SPATA13: variants seen among roughly 807,000 people sequenced by gnomAD.
SPATA13 encodes spermatogenesis associated 13.
A neutral mutation model predicts 104.0 loss-of-function variants in SPATA13; 50 were observed. The observed-to-expected ratio is 0.48, with a 90% CI of 0.38 to 0.61. The LOEUF is 0.61. SPATA13 is among the 20% of genes least tolerant of loss of function. SPATA13 has a pLI of 0.00. For synonymous variants in SPATA13, 606 were observed against 667.5 expected, an observed-to-expected ratio of 0.91 and a Z score of 1.42; for missense variants, 1,524 against 1,690.6, an observed-to-expected ratio of 0.90 and a Z score of 1.73.
chr13:24,109,190 T>C (rs548746626), intron 3 of SPATA13, among the ~76,000 whole-genome samples: 70 of 152,276 alleles, frequency 4.6e-4, no homozygotes, highest in African/African-American at 1.7e-3. Flanking sequence ...TTCCCACCTA[T>C]GAGTGAAAAC....
rs1228676507 is a variant in SPATA13, at chr13:24,223,180, G to A, written c.251G>A (p.Gly84Asp). 2 of 1,551,594 alleles carry A rather than the reference G, an allele frequency of 1.3e-6. No individual in the cohort carries two copies. The highest frequency in any genetic ancestry group is 2.7e-5 in the African/African-American group (2 of 73,058). The change falls in exon 2 of 13, where the codon GGT (glycine) becomes GAT (aspartate). Residue 84 changes from glycine to aspartate, a missense_variant. By Grantham distance (94) the Gly-to-Asp change is moderately conservative. This residue lies in a region of SPATA13 where 1,089 missense variants were observed against 1,135.9 expected (regional missense o/e 0.96). Coordinates refer to ENST00000382108, the MANE Select transcript of SPATA13 (RefSeq NM_001166271.3). Reference sequence around the variant, plus strand: ...TTTTCCACCAGTCGGAAGAGGACGGGTGCCCACCCCGAGCGGCCCCACTCC... The same window carrying A: ...TTTTCCACCAGTCGGAAGAGGACGGATGCCCACCCCGAGCGGCCCCACTCC... ...RLFSTSRKRT[G>D]AHPERPHSMV...
At chr13:24,180,080 C>T (rs1480437236) in intron 1 of SPATA13, among the ~76,000 whole-genome samples, 1 of 152,050 alleles carries the variant, frequency 6.6e-6, no homozygotes, top group Non-Finnish European at 1.5e-5. Context: ...AAACTATTGC[C>T]TAATCCAAGG....
intron 5 of SPATA13, among the ~76,000 whole-genome samples, chr13:24,285,099 G>A (rs746907116): frequency 6.6e-6 from 1 of 152,068 alleles, no homozygotes; most frequent in African/African-American, 2.4e-5. Context: ...GTGAGTCAGC[G>A]TCTTTACTGA....
chr13:23,986,907 C>T (rs953361046), intron 2 of SPATA13, among the ~76,000 whole-genome samples: 1 of 151,804 alleles, frequency 6.6e-6, no homozygotes, highest in Non-Finnish European at 1.5e-5. Context: ...AGGAGTTCAG[C>T]ATATTGAGAG....
At chr13:24,237,227 G>A (rs1872615763) in intron 2 of SPATA13, among the ~76,000 whole-genome samples, 1 of 151,950 alleles carries the variant, frequency 6.6e-6, no homozygotes, top group African/African-American at 2.4e-5. Flanking sequence ...CATAATGGTG[G>A]GTGCCTGTAG....
At chr13:24,177,518 T>C (rs899304174) in intron 1 of SPATA13, among the ~76,000 whole-genome samples, 1 of 152,228 alleles carries the variant, frequency 6.6e-6, no homozygotes, top group African/African-American at 2.4e-5. Context: ...ACAGTCTTAC[T>C]CTGCAATCGT....
intron 2 of SPATA13, among the ~76,000 whole-genome samples, chr13:24,009,125 G>A (rs1309081227): frequency 6.6e-6 from 1 of 152,158 alleles, no homozygotes; most frequent in East Asian, 1.9e-4. Context: ...ACCTCAGCCA[G>A]CCTGCTATCC....
intron 4 of SPATA13, among the ~76,000 whole-genome samples, chr13:24,252,506 C>T (rs937979647): frequency 1.3e-5 from 2 of 152,092 alleles, no homozygotes; most frequent in African/African-American, 2.4e-5. Flanking sequence ...AAACGTATAC[C>T]ATGTTTGTAA....
chr13:24,297,401 T>C lies in SPATA13; in HGVS notation c.3249T>C (p.His1083=). ...DILDRSSELI[H]SGELTKITKQ... ...TAGACCGAAGCTCAGAATTGATTCATTCTGGGGAGCTGACCAAAATCACTA... is the reference window on the plus strand; with the variant it reads ...TAGACCGAAGCTCAGAATTGATTCACTCTGGGGAGCTGACCAAAATCACTA... The change falls in exon 11 of 13, where the codon CAT becomes CAC. Residue 1083 remains histidine (H), a synonymous_variant. Transcript: ENST00000382108. 1.2e-6 allele frequency: 2 copies of C among 1,613,820 alleles called. No individual in the cohort carries two copies. The highest frequency in any genetic ancestry group is 1.7e-6 in the Non-Finnish European group (2 of 1,179,898).
chr13:24,139,785 A>G (rs1285042079), intron 3 of SPATA13, among the ~76,000 whole-genome samples: 1 of 152,180 alleles, frequency 6.6e-6, no homozygotes, highest in Non-Finnish European at 1.5e-5. Context: ...TGTAACATGC[A>G]GGCCGGGCGC....
chr13:24,271,362 T>TTC (rs1874598429), intron 4 of SPATA13, among the ~76,000 whole-genome samples: 1 of 152,188 alleles, frequency 6.6e-6, no homozygotes, highest in Non-Finnish European at 1.5e-5. Flanking sequence ...TGGTGGTGTG[T>TTC]ATAAGAATGT....
In SPATA13 at chr13:24,251,649, G is replaced by A. The variant is rs1169032978; in HGVS notation, c.2020-69G>A. On this transcript the variant is annotated intron_variant, in intron 3 of 12. Coordinates refer to ENST00000382108, the MANE Select transcript of SPATA13 (RefSeq NM_001166271.3). ...AGTGGCTTCGAGGTGAGAGCGCTAT[G>A]CGTGTGAGGTGCTTGCAAGAGCTGC... The A allele has an allele frequency of 4.4e-6, 7 of 1,585,604 alleles. No homozygotes were observed. The African/African-American group carries it at 6.7e-5, about 15-fold the overall frequency.
At chr13:24,151,077 A>C (rs1298064528) in intron 3 of SPATA13, among the ~76,000 whole-genome samples, 1 of 152,184 alleles carries the variant, frequency 6.6e-6, no homozygotes, top group Admixed American at 6.5e-5. Context: ...AATCCTCATA[A>C]TTTTACAGAT....
chr13:24,250,998 A>G (rs987917509), intron 3 of SPATA13, among the ~76,000 whole-genome samples: 3 of 152,250 alleles, frequency 2.0e-5, no homozygotes, highest in Non-Finnish European at 2.9e-5. Context: ...TTACATAAGC[A>G]GGATATGCAT....
intron 2 of SPATA13, among the ~76,000 whole-genome samples, chr13:23,999,774 G>C (rs1447353375): frequency 6.6e-6 from 1 of 152,172 alleles, no homozygotes; most frequent in Non-Finnish European, 1.5e-5. Context: ...TTCAGTGAGA[G>C]GGTAAATATG....
chr13:24,140,729 T>A (rs1033851), intron 3 of SPATA13, among the ~76,000 whole-genome samples: 67,508 of 152,104 alleles, frequency 0.44, 15,907 homozygotes, highest in Admixed American at 0.56. Context: ...ATGTTAGTAT[T>A]ATATAATGAA....
intron 2 of SPATA13, among the ~76,000 whole-genome samples, chr13:24,228,083 A>G (rs1220550): frequency 0.51 from 75,275 of 146,530 alleles, 20,132 homozygotes; most frequent in African/African-American, 0.66. Context: ...TTTTTGTAAA[A>G]ATAGGGTTTC....
At chr13:24,165,198 G>C (rs761833607) in intron 1 of SPATA13, among the ~76,000 whole-genome samples, 1 of 152,124 alleles carries the variant, frequency 6.6e-6, no homozygotes. Context: ...TCCCTGAAGC[G>C]GGACTGCCCT....
intron 3 of SPATA13, among the ~76,000 whole-genome samples, chr13:24,047,911 G>A (rs971462956): frequency 2.0e-5 from 3 of 152,228 alleles, no homozygotes; most frequent in Non-Finnish European, 4.4e-5. Flanking sequence ...TGAGAAACAG[G>A]GAAGCCAGTG....
Sources: allele counts gnomAD v4.1 joint callset (sites outside exome capture counted in the v4.1 genomes callset), GRCh38; gene constraint gnomAD v4.1.1; regional missense constraint gnomAD v4.1.1; transcripts MANE v1.5; gene names NCBI Gene and HGNC (gene_info 2026-07-23, HGNC 2026-07-21).